ARPIN: variants seen among roughly 807,000 people sequenced by gnomAD.
ARPIN encodes the protein actin related protein 2/3 complex inhibitor.
ARPIN carries 23 observed loss-of-function variants against 25.9 expected under a neutral mutation model. The ratio of observed to expected loss-of-function variants is 0.89; its 90% CI spans 0.64 to 1.26. The LOEUF (loss-of-function observed/expected upper bound fraction) is 1.26. Among genes scored for constraint, ARPIN ranks in the 50% most tolerant of loss-of-function variants. The probability of loss-of-function intolerance (pLI) is 0.00; values close to 1 mark genes in which losing one functional copy is unlikely to be tolerated. For missense variants in ARPIN, 333 were observed against 312.2 expected, an observed-to-expected ratio of 1.07 and a Z score of -0.50; for synonymous variants, 126 against 131.4, an observed-to-expected ratio of 0.96 and a Z score of 0.28.
In ARPIN at chr15:89,899,993, T is replaced by C. The variant is rs1022280137; in HGVS notation, c.*1802A>G. 2.0e-5 allele frequency: 3 copies of C among 152,318 alleles called. No individual in the cohort carries two copies. Among genetic ancestry groups the C allele is most frequent in the Non-Finnish European group, 2.9e-5 (2 of 68,110 alleles). The allele number at this position is 152,318 out of a possible 1,614,324, so 9.4% of individuals were successfully genotyped here. A position where few individuals can be genotyped will look rare whatever the true frequency, so the allele number is the denominator to read the frequency against. On this transcript the variant is annotated 3_prime_UTR_variant, in exon 6 of 6. Coordinates refer to ENST00000357484, the MANE Select transcript of ARPIN (RefSeq NM_182616.4). ...TCTCCTATTGACACACTGGGCCTCC[T>C]TGTTTGGAATGGTGACCTGTCCATA... is the stretch of plus-strand genomic sequence containing the variant.
intron 2 of ARPIN, among the ~76,000 whole-genome samples, chr15:89,908,894 A>C (rs752546117): frequency 6.6e-5 from 10 of 152,106 alleles, no homozygotes; most frequent in Non-Finnish European, 1.5e-4. Flanking sequence ...AAGGCAGGAG[A>C]ATCGCTTGAG....
At position 89,901,681 on chromosome 15, in the gene ARPIN, G is replaced by T; in HGVS notation, c.*114C>A. ...AGTATTCCAAGGTGGCTATGGGGAA[G>T]AACCAGGTAAGACTTGGCAGACTGT... On this transcript the variant is annotated 3_prime_UTR_variant, in exon 6 of 6. Transcript: ENST00000357484. 7.6e-7 allele frequency: 1 copy of T among 1,312,078 alleles called. No homozygotes were observed. Among genetic ancestry groups the T allele is most frequent in the South Asian group, 1.2e-5 (1 of 80,720 alleles). The allele number at this position is 1,312,078 out of a possible 1,614,324, so 81.3% of individuals were successfully genotyped here.
intron 3 of ARPIN, among the ~76,000 whole-genome samples, chr15:89,907,403 T>C (rs1250574911): frequency 3.3e-5 from 5 of 152,134 alleles, no homozygotes; most frequent in African/African-American, 1.2e-4. Flanking sequence ...AATCATATGT[T>C]GAAACTTAAT....
At chr15:89,906,973 A>G (rs1304550867) in intron 3 of ARPIN, among the ~76,000 whole-genome samples, 2 of 144,560 alleles carry the variant, frequency 1.4e-5, no homozygotes, top group East Asian at 2.1e-4. Flanking sequence ...AAAGAAAAGG[A>G]AAAAAAAAAA....
intron 1 of ARPIN, 76 bp downstream of exon 1, chr15:89,912,667 AC>A (rs889338378): frequency 8.9e-5 from 40 of 451,148 alleles, no homozygotes; most frequent in African/African-American, 1.3e-4. Flanking sequence ...CCCGCATCCC[AC>A]CCCCCCACCC....
Position 89,898,147 on chromosome 15 carries a change from A to T in ARPIN, c.*3648T>A, listed in dbSNP as rs904410498. The stretch of plus-strand genomic sequence containing the variant: ...AAAAAAGAAAGAAAGAAAATTTCCC[A>T]TATGAATGAAGCTCAGAGGATTTGC... On this transcript the variant is annotated 3_prime_UTR_variant, in exon 6 of 6. Transcript: ENST00000357484. The T allele has an allele frequency of 7.9e-5, 12 of 152,142 alleles. No individual in the cohort carries two copies. The highest frequency in any genetic ancestry group is 2.7e-4 in the African/African-American group (11 of 41,410). The allele number at this position is 152,142 out of a possible 1,614,324, so 9.4% of individuals were successfully genotyped here. A position where few individuals can be genotyped will look rare whatever the true frequency, so the allele number is the denominator to read the frequency against.
At chr15:89,910,500 C>T (rs771689548) in intron 2 of ARPIN, among the ~76,000 whole-genome samples, 1 of 152,142 alleles carries the variant, frequency 6.6e-6, no homozygotes, top group Admixed American at 6.5e-5. Context: ...CAGCCATGAC[C>T]CAGGCTCTTC....
rs775667973 is a variant in ARPIN at position 89,903,940 on chromosome 15, C to T, written c.345G>A (p.Ala115=). The change falls in exon 4 of 6, where the codon GCG becomes GCA. Residue 115 remains alanine (A), a synonymous_variant. Coordinates refer to ENST00000357484, the MANE Select transcript of ARPIN (RefSeq NM_182616.4). ...KGDTDRLTPE[A]LKGLVNKPEL... The stretch of plus-strand genomic sequence containing the variant: ...CTGGCTTGTTGACCAGCCCCTTCAG[C>T]GCCTCGGGCGTGAGCCTGTCAGTGT... The T allele has an allele frequency of 3.7e-6, 6 of 1,611,500 alleles. No individual in the cohort carries two copies. Among genetic ancestry groups the T allele is most frequent in the Non-Finnish European group, 5.1e-6 (6 of 1,179,950 alleles).
chr15:89,904,348 G>A (rs936787213), intron 3 of ARPIN, among the ~76,000 whole-genome samples: 19 of 152,208 alleles, frequency 1.2e-4, no homozygotes, highest in African/African-American at 4.6e-4. Context: ...GCATTCATAT[G>A]TTTTCACTAT....
At chr15:89,912,663 T>G in intron 1 of ARPIN, 81 bp downstream of exon 1, 16 of 871,074 alleles carry the variant, frequency 1.8e-5, no homozygotes, top group East Asian at 2.0e-4. Flanking sequence ...CCCACCCGCA[T>G]CCCACCCCCC....
intron 1 of ARPIN, 81 bp downstream of exon 1, chr15:89,912,663 T>TTGGGGGCCCCC: frequency 1.1e-6 from 1 of 871,096 alleles, no homozygotes. Flanking sequence ...CCCACCCGCA[T>TTGGGGGCCCCC]CCCACCCCCC....
chr15:89,904,067 G>T, intron 3 of ARPIN, 84 bp from the exon 4 acceptor site: 1 of 1,472,912 alleles, frequency 6.8e-7, no homozygotes, highest in Non-Finnish European at 9.0e-7. Flanking sequence ...GGTGAGGGCT[G>T]AGTGTTTCCA....
At chr15:89,904,195 C>A (rs970931599) in intron 3 of ARPIN, among the ~76,000 whole-genome samples, 1 of 152,076 alleles carries the variant, frequency 6.6e-6, no homozygotes, top group Non-Finnish European at 1.5e-5. Context: ...CAGATCTGGG[C>A]TCCACAATAA....
chr15:89,912,674 C>T lies in ARPIN; in HGVS notation c.92+70G>A, dbSNP rs1021692125. On this transcript the variant is annotated intron_variant, in intron 1 of 5. Coordinates refer to ENST00000357484, the MANE Select transcript of ARPIN (RefSeq NM_182616.4). Reference sequence around the variant, plus strand: ...TTCCCCCACCCGCATCCCACCCCCCCACCCGATCCTGTTGCGGGGTTCGAG... The same window carrying T: ...TTCCCCCACCCGCATCCCACCCCCCTACCCGATCCTGTTGCGGGGTTCGAG... 12 of 1,170,478 alleles carry T rather than the reference C, an allele frequency of 1.0e-5. No homozygotes were observed. The Admixed American group carries it at 1.4e-4, about 14-fold the overall frequency. 72.5% of individuals were successfully genotyped at this position (1,170,478 alleles called of 1,614,324 possible).
chr15:89,906,052 G>A (rs28671502), intron 3 of ARPIN, among the ~76,000 whole-genome samples: 10,340 of 151,942 alleles, frequency 0.068, 1,045 homozygotes, highest in African/African-American at 0.22. Flanking sequence ...TTCCTCCCCA[G>A]TAGCCAAGCC....
At chr15:89,907,423 G>A (rs1043245358) in intron 3 of ARPIN, among the ~76,000 whole-genome samples, 6 of 152,180 alleles carry the variant, frequency 3.9e-5, no homozygotes, top group African/African-American at 1.4e-4. Context: ...TCACCAATGT[G>A]ATAGTATTAA....
At chr15:89,904,662 T>C (rs748940498) in intron 3 of ARPIN, among the ~76,000 whole-genome samples, 4 of 152,154 alleles carry the variant, frequency 2.6e-5, no homozygotes, top group Non-Finnish European at 5.9e-5. Context: ...GACTGTGAAG[T>C]GGGCCCAGCC....
intron 1 of ARPIN, chr15:89,912,260 A>G: frequency 2.0e-6 from 2 of 991,016 alleles, no homozygotes; most frequent in Non-Finnish European, 2.4e-6. Context: ...CTTCGGCCTC[A>G]TAACCCTGTG....
At chr15:89,908,107 G>A (rs1897156442) in intron 3 of ARPIN, among the ~76,000 whole-genome samples, 173 bp downstream of exon 3, 1 of 152,178 alleles carries the variant, frequency 6.6e-6, no homozygotes, top group Non-Finnish European at 1.5e-5. Flanking sequence ...GGGATCCTCT[G>A]AGTAAATGGG....
Sources: allele counts gnomAD v4.1 joint callset (sites outside exome capture counted in the v4.1 genomes callset), GRCh38; gene constraint gnomAD v4.1.1; transcripts MANE v1.5; gene names NCBI Gene and HGNC (gene_info 2026-07-23, HGNC 2026-07-21).